GALNT11: variants seen among roughly 807,000 people sequenced by gnomAD.
The protein encoded by GALNT11 is polypeptide N-acetylgalactosaminyltransferase 11.
GALNT11 carries 47 observed loss-of-function variants against 72.7 expected under a neutral mutation model. The observed-to-expected ratio is 0.65, with a 90% confidence interval of 0.51 to 0.82. GALNT11 has a LOEUF of 0.82. Ranked by LOEUF, GALNT11 falls within the 40% of genes least tolerant of loss-of-function variation. The pLI, the probability that GALNT11 is intolerant of heterozygous loss-of-function variation, is 0.00. For missense variants in GALNT11, 677 were observed against 778.4 expected (o/e 0.87, Z 1.55); for synonymous variants, 270 against 286.6 (o/e 0.94, Z 0.58).
chr7:152,070,163 A>ATT (rs2084551813), intron 1 of GALNT11, among the ~76,000 whole-genome samples: 1 of 151,544 alleles, frequency 6.6e-6, no homozygotes, highest in Non-Finnish European at 1.5e-5. Context: ...CGCCCAGCTA[A>ATT]TTTTTTGTAT....
chr7:152,046,528 A>G (rs2083134534), intron 1 of GALNT11, among the ~76,000 whole-genome samples: 1 of 152,078 alleles, frequency 6.6e-6, no homozygotes, highest in Admixed American at 6.6e-5. Flanking sequence ...CTCTTGCTGA[A>G]CTGAGTTCTT....
intron 1 of GALNT11, among the ~76,000 whole-genome samples, chr7:152,090,406 T>C (rs914299324): frequency 3.9e-5 from 6 of 152,360 alleles, no homozygotes; most frequent in African/African-American, 1.2e-4. Context: ...TAGTTTGTGG[T>C]CATGTTTTCT....
intron 8 of GALNT11, among the ~76,000 whole-genome samples, chr7:152,115,328 C>A (rs1427877692): frequency 1.3e-5 from 2 of 152,220 alleles, no homozygotes; most frequent in Non-Finnish European, 2.9e-5. Context: ...CCCAGTTATA[C>A]TGTAGTCACT....
At chr7:152,028,223 C>T (rs1464277776) in intron 1 of GALNT11, among the ~76,000 whole-genome samples, 1 of 152,212 alleles carries the variant, frequency 6.6e-6, no homozygotes, top group South Asian at 2.1e-4. Context: ...TTGGCCCCAC[C>T]CACATCCTGC....
intron 1 of GALNT11, among the ~76,000 whole-genome samples, chr7:152,036,246 T>C (rs2082573563): frequency 2.0e-5 from 3 of 152,208 alleles, no homozygotes; most frequent in African/African-American, 7.2e-5. Context: ...CCTCACTCCC[T>C]TCTCAGCCTC....
At chr7:152,027,772 T>C (rs1006640092) in intron 1 of GALNT11, 20 of 162,316 alleles carry the variant, frequency 1.2e-4, no homozygotes, top group Admixed American at 4.5e-4. Context: ...CCTTCTGATG[T>C]TCAGATGTGT....
intron 1 of GALNT11, among the ~76,000 whole-genome samples, chr7:152,092,423 G>A (rs1019851595): frequency 6.6e-6 from 1 of 152,140 alleles, no homozygotes; most frequent in African/African-American, 2.4e-5. Flanking sequence ...ACATAGCAGC[G>A]CTTTCACTGG....
At chr7:152,111,890 T>C (rs2088258340) in intron 7 of GALNT11, among the ~76,000 whole-genome samples, 2 of 152,200 alleles carry the variant, frequency 1.3e-5, no homozygotes, top group Non-Finnish European at 2.9e-5. Flanking sequence ...CTCAGTTTGA[T>C]GCTGCATTAT....
intron 1 of GALNT11, among the ~76,000 whole-genome samples, chr7:152,058,841 A>G (rs948625636): frequency 2.0e-5 from 3 of 152,330 alleles, no homozygotes; most frequent in Non-Finnish European, 2.9e-5. Context: ...TGTTCACAGC[A>G]TCATCACCAG....
intron 10 of GALNT11, 63 bp from the exon 11 acceptor site, chr7:152,120,768 A>G (rs2089350481): frequency 2.9e-6 from 4 of 1,363,878 alleles, no homozygotes; most frequent in Non-Finnish European, 4.1e-6. Flanking sequence ...GTGGAAGAAT[A>G]TGCAAAGTGT....
chr7:152,069,978 TTTTTTCTTTTTTCTTTTTC>T (rs1417757338), intron 1 of GALNT11, among the ~76,000 whole-genome samples: 1 of 149,290 alleles, frequency 6.7e-6, no homozygotes, highest in African/African-American at 2.6e-5. Flanking sequence ...TTTTTCTTTC[TTTTTTCTTTTTTCTTTTTC>T]TTTTTCTTTT....
intron 1 of GALNT11, among the ~76,000 whole-genome samples, chr7:152,091,925 T>C (rs1284300956): frequency 6.6e-6 from 1 of 152,186 alleles, no homozygotes; most frequent in East Asian, 1.9e-4. Context: ...GCTCTTGGTT[T>C]CTTCAGGGTC....
At chr7:152,115,032 G>A (rs1737533812) in intron 8 of GALNT11, among the ~76,000 whole-genome samples, 2 of 152,128 alleles carry the variant, frequency 1.3e-5, no homozygotes, top group South Asian at 4.1e-4. Flanking sequence ...GGGCAGTAGG[G>A]ACTCCACAGT....
At chr7:152,025,937 TG>T (rs2081984441) in intron 1 of GALNT11, 53 bp downstream of exon 1, 1 of 164,404 alleles carries the variant, frequency 6.1e-6, no homozygotes, top group Non-Finnish European at 1.3e-5. Context: ...CCTCGAGAGC[TG>T]CGGCGGCGGC....
At chr7:152,096,969 A>G (rs1021336237) in intron 2 of GALNT11, among the ~76,000 whole-genome samples, 24 of 152,114 alleles carry the variant, frequency 1.6e-4, no homozygotes, top group African/African-American at 5.8e-4. Flanking sequence ...CTGGGGCTAC[A>G]GGGGTGTACC....
chr7:152,094,045 C>A lies in GALNT11; in HGVS notation c.-38-145C>A. On this transcript the variant is annotated intron_variant, in intron 1 of 11. Coordinates refer to ENST00000430044, the MANE Select transcript of GALNT11 (RefSeq NM_022087.4). This position sits in a 1 kb window ranked among gnomAD's most constrained non-coding sequence, Gnocchi z 4.3. ...TTGAACCCTTTTTAAAAACTCAGTA[C>A]TATCCATACATCTTCTTGTATTTGA... 1 of 675,116 alleles carries A rather than the reference C, an allele frequency of 1.5e-6. No homozygotes were observed. The highest frequency in any genetic ancestry group is 3.2e-5 in the Admixed American group (1 of 31,594). 41.8% of individuals were successfully genotyped at this position (675,116 alleles called of 1,614,324 possible). A position where few individuals can be genotyped will look rare whatever the true frequency, so the allele number is the denominator to read the frequency against.
At position 152,115,732 on chromosome 7, in the gene GALNT11, C is replaced by T. The variant is rs116130541; in HGVS notation, c.1234-1425C>T. Among the ~76,000 whole-genome samples, 1,144 of 152,262 alleles carry T rather than the reference C, an allele frequency of 7.5e-3. 16 individuals are homozygous for T. Among genetic ancestry groups the T allele is most frequent in the African/African-American group, 0.027 (1,102 of 41,540 alleles). ...AGAATTTTGAAAAACTTACATTTACCGCCAGGAGCTTGACAGCTTCCTAGT... is the reference window on the plus strand; with the variant it reads ...AGAATTTTGAAAAACTTACATTTACTGCCAGGAGCTTGACAGCTTCCTAGT... On this transcript the variant is annotated intron_variant, in intron 8 of 11. Coordinates refer to ENST00000430044, the MANE Select transcript of GALNT11 (RefSeq NM_022087.4).
At chr7:152,088,036 T>C (rs2085763997) in intron 1 of GALNT11, among the ~76,000 whole-genome samples, 1 of 152,250 alleles carries the variant, frequency 6.6e-6, no homozygotes, top group South Asian at 2.1e-4. Flanking sequence ...TGGAGGCTTG[T>C]TTAAGCTAAA....
At chr7:152,081,560 T>C (rs1227306082) in intron 1 of GALNT11, among the ~76,000 whole-genome samples, 1 of 152,260 alleles carries the variant, frequency 6.6e-6, no homozygotes, top group Non-Finnish European at 1.5e-5. Flanking sequence ...GATTAAAATA[T>C]GTATGTGCTT....
Sources: gnomAD v4.1 joint callset for allele counts (sites outside exome capture counted in the v4.1 genomes callset) on GRCh38, gnomAD v4.1.1 for gene constraint, Gnocchi (gnomAD v3.1) non-coding constraint, MANE v1.5 for transcripts, NCBI Gene and HGNC (gene_info 2026-07-23, HGNC 2026-07-21) for gene names.